Variants in EBF2 observed in about 807,000 individuals in gnomAD.
The protein encoded by EBF2 is EBF transcription factor 2.
In EBF2, 21 loss-of-function variants were observed where a neutral mutation model predicts 72.8. The ratio of observed to expected loss-of-function variants is 0.29; its 90% confidence interval spans 0.20 to 0.42. The LOEUF (loss-of-function observed/expected upper bound fraction) is 0.42. EBF2 is among the 10% of genes least tolerant of loss of function. The probability of loss-of-function intolerance (pLI) is 1.00; values close to 1 mark genes in which losing one functional copy is unlikely to be tolerated. For missense variants in EBF2, 637 were observed against 731.2 expected (o/e 0.87, Z 1.49); for synonymous variants, 299 against 274.2 (o/e 1.09, Z -0.89).
chr8:25,954,705 C>A lies in EBF2; in HGVS notation c.552-46150G>T, dbSNP rs142728142. On this transcript the variant is annotated intron_variant, in intron 6 of 15. Coordinates refer to ENST00000520164, the MANE Select transcript of EBF2 (RefSeq NM_022659.4). ...ACTTCCAGCACCGCCCCCGCCCCTT[C>A]CCCCAGGGAGCCTTCAGAACTCTCA... Among the ~76,000 whole-genome samples, 605 of 152,286 alleles carry A rather than the reference C, an allele frequency of 4.0e-3. 3 individuals are homozygous for A. The highest frequency in any genetic ancestry group is 0.014 in the African/African-American group (566 of 41,574).
At position 25,893,641 on chromosome 8, in the gene EBF2, G is replaced by A. The variant is rs1167649745; in HGVS notation, c.634-3772C>T. Among the ~76,000 whole-genome samples the A allele has an allele frequency of 5.9e-5, 9 of 152,088 alleles. No individual in the cohort carries two copies. In the East Asian group the frequency reaches 1.7e-3, roughly 29 times the overall value. ...AAGGGGAACCTGGGCCCTGTCTGAG[G>A]ATTACGTGGAGGTAAAGAGCCTTCT... On this transcript the variant is annotated intron_variant, in intron 7 of 15. Transcript: ENST00000520164.
At chr8:25,903,071 A>T (rs987543919) in intron 7 of EBF2, among the ~76,000 whole-genome samples, 4 of 151,866 alleles carry the variant, frequency 2.6e-5, no homozygotes, top group Non-Finnish European at 4.4e-5. Flanking sequence ...TTTAATTTTT[A>T]TGGATACGTA....
At chr8:25,882,798 G>A (rs1802625874) in intron 10 of EBF2, among the ~76,000 whole-genome samples, 1 of 152,222 alleles carries the variant, frequency 6.6e-6, no homozygotes, top group Non-Finnish European at 1.5e-5. Flanking sequence ...TCAGTGCATT[G>A]TAATGTCAGG....
At position 25,953,416 on chromosome 8, in the gene EBF2, TA is replaced by T. The variant is rs771959973; in HGVS notation, c.552-44862del. On this transcript the variant is annotated intron_variant, in intron 6 of 15. Transcript: ENST00000520164. ...GCATTTAATTGCATTTCCAAGCATTTAAATTAAAGAAGAGAGAGAATAAGCT... is the reference window on the plus strand; with the variant it reads ...GCATTTAATTGCATTTCCAAGCATTTAATTAAAGAAGAGAGAGAATAAGCT... Among the ~76,000 whole-genome samples, 14 of 152,292 alleles carry T rather than the reference TA, an allele frequency of 9.2e-5. No homozygotes were observed. In the East Asian group the frequency reaches 1.7e-3, roughly 19 times the overall value.
intron 10 of EBF2, among the ~76,000 whole-genome samples, chr8:25,869,572 G>T (rs1159605406): frequency 6.6e-6 from 1 of 152,010 alleles, no homozygotes; most frequent in Admixed American, 6.6e-5. Flanking sequence ...AATATATTTT[G>T]GGGGTGGGGG....
intron 6 of EBF2, among the ~76,000 whole-genome samples, chr8:25,920,063 T>C (rs968656001): frequency 2.0e-5 from 3 of 152,130 alleles, no homozygotes; most frequent in African/African-American, 7.2e-5. Context: ...GAGCTTTCTG[T>C]GTTTCTAGTA....
At chr8:25,912,485 C>T (rs1803144925) in intron 6 of EBF2, among the ~76,000 whole-genome samples, 1 of 141,474 alleles carries the variant, frequency 7.1e-6, no homozygotes, top group African/African-American at 2.6e-5. Flanking sequence ...CACACACACA[C>T]ACACACACAC....
At chr8:26,005,142 T>C (rs890003391) in intron 6 of EBF2, among the ~76,000 whole-genome samples, 2 of 139,574 alleles carry the variant, frequency 1.4e-5, no homozygotes, top group African/African-American at 5.4e-5. Context: ...CTACCGGTCA[T>C]GGGAAAACCT....
intron 6 of EBF2, among the ~76,000 whole-genome samples, chr8:25,964,889 G>A (rs1319661856): frequency 6.6e-6 from 1 of 152,142 alleles, no homozygotes; most frequent in Admixed American, 6.5e-5. Flanking sequence ...TGCACACACA[G>A]AGGGACTGTC....
Position 25,885,669 on chromosome 8 carries a change from C to T in EBF2, c.1009+1086G>A, listed in dbSNP as rs138287778. 2.0e-4 allele frequency among the ~76,000 whole-genome samples: 30 copies of T among 152,196 alleles called. 1 individual carries two copies. The highest frequency in any genetic ancestry group is 2.6e-4 in the Non-Finnish European group (18 of 68,024). ...TTCTCATGGTAGTGAGTAAGTCTCA[C>T]GAGATCTGATGATTTTATAGTGGGT... On this transcript the variant is annotated intron_variant, in intron 10 of 15. Transcript: ENST00000520164.
chr8:26,017,951 C>T (rs897495428), intron 6 of EBF2, among the ~76,000 whole-genome samples: 2 of 152,010 alleles, frequency 1.3e-5, no homozygotes, highest in Admixed American at 6.5e-5. Flanking sequence ...GCCCAACTTT[C>T]GCACCAAGGC....
intron 6 of EBF2, among the ~76,000 whole-genome samples, chr8:26,012,665 A>G (rs909219866): frequency 1.3e-5 from 2 of 152,192 alleles, no homozygotes; most frequent in African/African-American, 4.8e-5. Flanking sequence ...TTATGCATGT[A>G]TGCATTCTCT....
At chr8:25,932,803 CTT>C (rs756847350) in intron 6 of EBF2, among the ~76,000 whole-genome samples, 1 of 145,976 alleles carries the variant, frequency 6.9e-6, no homozygotes, top group Non-Finnish European at 1.5e-5. Context: ...CAGAAGCAGA[CTT>C]TTTTTTTTTA....
intron 6 of EBF2, among the ~76,000 whole-genome samples, chr8:25,981,052 A>G (rs185661609): frequency 2.2e-4 from 33 of 152,160 alleles, no homozygotes; most frequent in South Asian, 2.1e-3. Flanking sequence ...CTGAAACTTG[A>G]AGAACATCTC....
rs139994851 is a variant in EBF2, at chr8:25,862,927, C to T, written c.1010-130G>A. The T allele has an allele frequency of 8.9e-4, 386 of 431,772 alleles. 3 individuals are homozygous for T. Among genetic ancestry groups the T allele is most frequent in the African/African-American group, 7.1e-3 (347 of 48,932 alleles). 26.7% of individuals were successfully genotyped at this position (431,772 alleles called of 1,614,324 possible). On this transcript the variant is annotated intron_variant, in intron 10 of 15. Transcript: ENST00000520164. ...TGTAATCAGTTAGGGTTTTTGCTAT[C>T]GACATTGGTTAATTCACATATAAAT... is the stretch of plus-strand genomic sequence containing the variant.
chr8:25,874,853 C>CTTTTTT (rs1183233269), intron 10 of EBF2, among the ~76,000 whole-genome samples: 1 of 99,568 alleles, frequency 1.0e-5, no homozygotes, highest in African/African-American at 4.7e-5. Flanking sequence ...GCCTGGCTAA[C>CTTTTTT]TTTTTTTTTT....
At chr8:25,848,565 A>G (rs1413990830) in intron 15 of EBF2, among the ~76,000 whole-genome samples, 3 of 152,178 alleles carry the variant, frequency 2.0e-5, no homozygotes, top group Non-Finnish European at 4.4e-5. Context: ...AGTCTGTAAG[A>G]AACTTGTCCT....
intron 6 of EBF2, among the ~76,000 whole-genome samples, chr8:25,987,949 GT>G (rs754437442): frequency 6.6e-6 from 1 of 152,106 alleles, no homozygotes; most frequent in African/African-American, 2.4e-5. Context: ...AATTTGCTAG[GT>G]TTTTTATAGA....
At chr8:26,020,886 C>T (rs891833995) in intron 6 of EBF2, among the ~76,000 whole-genome samples, 1 of 152,234 alleles carries the variant, frequency 6.6e-6, no homozygotes, top group South Asian at 2.1e-4. Flanking sequence ...AAGTATCGAG[C>T]GGACTGTTAG....
Sources: gnomAD v4.1 joint callset for allele counts (sites outside exome capture counted in the v4.1 genomes callset) on GRCh38, gnomAD v4.1.1 for gene constraint, MANE v1.5 for transcripts, NCBI Gene and HGNC (gene_info 2026-07-23, HGNC 2026-07-21) for gene names.